The following CSMD1 variants were observed in gnomAD, a reference collection of about 807,000 sequenced individuals.
CSMD1 encodes CUB and Sushi multiple domains 1.
CSMD1 carries 213 observed loss-of-function variants against 417.5 expected under a neutral mutation model. The ratio of observed to expected loss-of-function variants is 0.51; its 90% CI spans 0.46 to 0.57. The LOEUF (loss-of-function observed/expected upper bound fraction) is 0.57. Among genes scored for constraint, CSMD1 ranks in the 20% least tolerant of loss-of-function variants. CSMD1 has a pLI of 0.00. For missense variants in CSMD1, 6,923 were observed against 4,529.7 expected (o/e 1.53, Z -15.17); for synonymous variants, 2,862 against 1,736.8 (o/e 1.65, Z -16.11).
At chr8:4,588,658 G>A (rs1273452061) in intron 2 of CSMD1, among the ~76,000 whole-genome samples, 4 of 151,868 alleles carry the variant, frequency 2.6e-5, no homozygotes, top group East Asian at 2.0e-4. Flanking sequence ...GGTGGCGGGC[G>A]CCTTTAGTCC....
intron 3 of CSMD1, among the ~76,000 whole-genome samples, chr8:4,164,692 G>A (rs932196504): frequency 6.6e-6 from 1 of 152,042 alleles, no homozygotes; most frequent in Non-Finnish European, 1.5e-5. Context: ...TTTAAAATAT[G>A]TTGCTGAGGT....
rs562873423 is a variant in CSMD1, at chr8:4,394,430, A to G, written c.415+25523T>C. On this transcript the variant is annotated intron_variant, in intron 3 of 69. Coordinates refer to ENST00000635120, the MANE Select transcript of CSMD1 (RefSeq NM_033225.6). ...CAATCAATATTTCGTCCTATTCAAT[A>G]TGCGATTTTTAGTACTGAGTCTTTG... Among the ~76,000 whole-genome samples the G allele has an allele frequency of 3.3e-5, 5 of 152,242 alleles. No homozygotes were observed. In the South Asian group the frequency reaches 1.0e-3, roughly 32 times the overall value.
chr8:4,689,162 C>T (rs973999567), intron 1 of CSMD1, among the ~76,000 whole-genome samples: 2 of 152,140 alleles, frequency 1.3e-5, no homozygotes, highest in Non-Finnish European at 2.9e-5. Flanking sequence ...AGGTAACAGG[C>T]CCCAAATCTG....
chr8:3,108,264 C>T (rs1012119173), intron 44 of CSMD1, among the ~76,000 whole-genome samples: 2 of 152,160 alleles, frequency 1.3e-5, no homozygotes, highest in African/African-American at 4.8e-5. Context: ...GCTTTCACAC[C>T]ATTTATAGTT....
intron 5 of CSMD1, among the ~76,000 whole-genome samples, chr8:3,952,953 C>T (rs1811688752): frequency 1.3e-5 from 2 of 151,888 alleles, no homozygotes; most frequent in Admixed American, 1.3e-4. Context: ...GAAAGGAATA[C>T]AAAACAACCT....
chr8:4,189,167 T>A (rs1477001108), intron 3 of CSMD1, among the ~76,000 whole-genome samples: 1 of 152,224 alleles, frequency 6.6e-6, no homozygotes, highest in Non-Finnish European at 1.5e-5. Context: ...TCACAGAAGG[T>A]GCACACACAG....
intron 3 of CSMD1, among the ~76,000 whole-genome samples, chr8:4,044,929 T>A (rs1289635555): frequency 7.1e-6 from 1 of 140,570 alleles, no homozygotes; most frequent in Admixed American, 7.2e-5. Flanking sequence ...TTTAAAAAAA[T>A]GTCCCCATGG....
At chr8:4,221,355 G>A (rs73184173) in intron 3 of CSMD1, among the ~76,000 whole-genome samples, 6,588 of 145,856 alleles carry the variant, frequency 0.045, 157 homozygotes, top group East Asian at 0.098. Context: ...GCACAAAGAA[G>A]CCCATCTCTA....
chr8:3,615,367 A>G (rs535571076), intron 8 of CSMD1, among the ~76,000 whole-genome samples: 3 of 152,252 alleles, frequency 2.0e-5, no homozygotes, highest in East Asian at 3.9e-4. Flanking sequence ...CTCCAATTCT[A>G]TTCCACTTCC....
intron 3 of CSMD1, among the ~76,000 whole-genome samples, chr8:4,373,536 C>G (rs1215022121): frequency 6.6e-6 from 1 of 152,202 alleles, no homozygotes; most frequent in Non-Finnish European, 1.5e-5. Flanking sequence ...CATTATTCCT[C>G]TCACTTCTAT....
chr8:3,588,714 C>A (rs565866265), intron 8 of CSMD1, among the ~76,000 whole-genome samples: 1 of 151,434 alleles, frequency 6.6e-6, no homozygotes. Flanking sequence ...ACAACACAGG[C>A]AAAAACAGAC....
chr8:3,629,390 A>C (rs1335243784), intron 7 of CSMD1, among the ~76,000 whole-genome samples: 1 of 152,218 alleles, frequency 6.6e-6, no homozygotes, highest in African/African-American at 2.4e-5. Context: ...AGTTACATAT[A>C]GTTATTGTTG....
At chr8:3,771,252 C>T (rs1225401493) in intron 5 of CSMD1, among the ~76,000 whole-genome samples, 1 of 152,120 alleles carries the variant, frequency 6.6e-6, no homozygotes, top group Non-Finnish European at 1.5e-5. Flanking sequence ...CTCCGTGAGC[C>T]ACTCTTGCTT....
At chr8:3,325,626 C>G (rs1041387319) in intron 23 of CSMD1, among the ~76,000 whole-genome samples, 1 of 152,126 alleles carries the variant, frequency 6.6e-6, no homozygotes, top group Non-Finnish European at 1.5e-5. Context: ...GAGTTTGAGA[C>G]CAGCCTGCTC....
At chr8:4,366,799 C>T (rs1190280910) in intron 3 of CSMD1, among the ~76,000 whole-genome samples, 1 of 152,068 alleles carries the variant, frequency 6.6e-6, no homozygotes, top group Admixed American at 6.6e-5. Context: ...TGCTGCTGTG[C>T]TGCACCCATT....
intron 37 of CSMD1, among the ~76,000 whole-genome samples, chr8:3,173,709 G>A (rs946231533): frequency 6.6e-6 from 1 of 152,078 alleles, no homozygotes; most frequent in East Asian, 1.9e-4. Context: ...AAACACACTC[G>A]CTATATTGGA....
At chr8:4,764,731 G>A (rs140138660) in intron 1 of CSMD1, among the ~76,000 whole-genome samples, 3,105 of 150,878 alleles carry the variant, frequency 0.021, 97 homozygotes, top group African/African-American at 0.07. Flanking sequence ...AAATTAGCCG[G>A]GTGTTGTGGC....
intron 5 of CSMD1, among the ~76,000 whole-genome samples, chr8:3,812,203 CAA>C (rs1206108510): frequency 2.0e-5 from 3 of 152,100 alleles, no homozygotes; most frequent in Non-Finnish European, 4.4e-5. Context: ...CACATACAAA[CAA>C]TATATCGTTT....
chr8:4,898,182 G>A (rs543511111), intron 1 of CSMD1, among the ~76,000 whole-genome samples: 14 of 152,106 alleles, frequency 9.2e-5, no homozygotes, highest in Non-Finnish European at 1.9e-4. Flanking sequence ...AATGCCCAGC[G>A]TGCATTGCTA....
Sources: gnomAD v4.1 joint callset for allele counts (sites outside exome capture counted in the v4.1 genomes callset) on GRCh38, gnomAD v4.1.1 for gene constraint, MANE v1.5 for transcripts, NCBI Gene and HGNC (gene_info 2026-07-23, HGNC 2026-07-21) for gene names.